Variants in RNF38 observed in about 807,000 individuals in gnomAD.
RNF38 encodes the protein ring finger protein 38, also known as E3 ubiquitin-protein ligase RNF38.
A neutral mutation model predicts 67.2 loss-of-function variants in RNF38; 15 were observed. The ratio of observed to expected loss-of-function variants is 0.22; its 90% CI spans 0.15 to 0.34. RNF38 has a LOEUF of 0.34. Ranked by LOEUF, RNF38 falls within the 10% of genes least tolerant of loss-of-function variation. The probability of loss-of-function intolerance (pLI) is 1.00; values close to 1 mark genes in which losing one functional copy is unlikely to be tolerated. For synonymous variants in RNF38, 220 were observed against 218.8 expected (o/e 1.01, Z -0.05); for missense variants, 524 against 639.9 (o/e 0.82, Z 1.95).
intron 2 of RNF38, among the ~76,000 whole-genome samples, chr9:36,407,775 A>G (rs1838217973): frequency 6.6e-6 from 1 of 152,170 alleles, no homozygotes; most frequent in African/African-American, 2.4e-5. Context: ...CTGGCACTAC[A>G]GTTTTTACCA....
chr9:36,462,576 C>T (rs1839758382), intron 1 of RNF38, among the ~76,000 whole-genome samples: 1 of 152,156 alleles, frequency 6.6e-6, no homozygotes, highest in Non-Finnish European at 1.5e-5. Flanking sequence ...CACACTTTTG[C>T]GTCAGGGCTT....
chr9:36,390,285 A>C (rs1836977681), intron 2 of RNF38, among the ~76,000 whole-genome samples, 182 bp downstream of exon 2: 1 of 152,272 alleles, frequency 6.6e-6, no homozygotes, highest in Non-Finnish European at 1.5e-5. Flanking sequence ...TAGCTCAAGA[A>C]GACAAACATT....
At chr9:36,435,871 C>T (rs1277681381) in intron 1 of RNF38, among the ~76,000 whole-genome samples, 4 of 152,094 alleles carry the variant, frequency 2.6e-5, no homozygotes, top group South Asian at 2.1e-4. Context: ...CCTCGTGATC[C>T]GCCCGCCTCA....
chr9:36,388,266 G>A (rs1480507145), intron 2 of RNF38, among the ~76,000 whole-genome samples: 1 of 151,944 alleles, frequency 6.6e-6, no homozygotes, highest in Non-Finnish European at 1.5e-5. Context: ...TTATATAGAT[G>A]TCTGCTTTAC....
chr9:36,341,267 A>G (rs530859938), intron 11 of RNF38, among the ~76,000 whole-genome samples: 10 of 152,264 alleles, frequency 6.6e-5, no homozygotes, highest in South Asian at 2.1e-4. Flanking sequence ...GGATTTACAC[A>G]TATAATGCTT....
At chr9:36,365,662 G>GTTTTTTTTTTT (rs759974775) in intron 4 of RNF38, among the ~76,000 whole-genome samples, 1 of 103,600 alleles carries the variant, frequency 9.7e-6, no homozygotes, top group African/African-American at 3.9e-5. Context: ...AAGACTGATA[G>GTTTTTTTTTTT]TTTTTTTTTT....
At chr9:36,366,601 A>ATGGTGT (rs1333889354) in intron 4 of RNF38, among the ~76,000 whole-genome samples, 3 of 152,336 alleles carry the variant, frequency 2.0e-5, no homozygotes, top group East Asian at 3.9e-4. Flanking sequence ...GCAAATATTG[A>ATGGTGT]TGGTGTTACC....
chr9:36,359,868 C>T (rs528686207), intron 4 of RNF38, among the ~76,000 whole-genome samples: 1 of 152,060 alleles, frequency 6.6e-6, no homozygotes, highest in Non-Finnish European at 1.5e-5. Flanking sequence ...ACCTTAGCCC[C>T]GCCCCGAGTA....
At chr9:36,389,275 ACT>A in intron 2 of RNF38, among the ~76,000 whole-genome samples, 1 of 151,270 alleles carries the variant, frequency 6.6e-6, no homozygotes, top group African/African-American at 2.4e-5. Context: ...TTTGGCAGCT[ACT>A]CTCTGAAATT....
chr9:36,471,497 A>G (rs1442780296), intron 1 of RNF38, among the ~76,000 whole-genome samples: 1 of 152,200 alleles, frequency 6.6e-6, no homozygotes, highest in Admixed American at 6.5e-5. Context: ...CCTTTTTTAA[A>G]CTTCTCCAAC....
At chr9:36,438,966 G>C (rs1415893162) in intron 1 of RNF38, among the ~76,000 whole-genome samples, 1 of 151,930 alleles carries the variant, frequency 6.6e-6, no homozygotes, top group Non-Finnish European at 1.5e-5. Flanking sequence ...TTTATATTAA[G>C]TGCTCTCTAC....
intron 2 of RNF38, among the ~76,000 whole-genome samples, chr9:36,382,954 T>G (rs1469946819): frequency 2.0e-5 from 3 of 152,168 alleles, no homozygotes; most frequent in African/African-American, 7.2e-5. Context: ...TCACTAAATT[T>G]TATTCATTTT....
intron 9 of RNF38, among the ~76,000 whole-genome samples, chr9:36,350,913 G>T (rs1833643899): frequency 6.6e-6 from 1 of 151,986 alleles, no homozygotes; most frequent in Non-Finnish European, 1.5e-5. Context: ...CACAAAATGA[G>T]ATGTATTTTT....
chr9:36,349,066 A>G (rs958046850), intron 9 of RNF38, among the ~76,000 whole-genome samples: 3 of 152,216 alleles, frequency 2.0e-5, no homozygotes, highest in Non-Finnish European at 2.9e-5. Flanking sequence ...ACACTGCCCA[A>G]TAATAAAGCC....
At chr9:36,457,508 G>A (rs945853961) in intron 1 of RNF38, among the ~76,000 whole-genome samples, 19 of 152,302 alleles carry the variant, frequency 1.2e-4, no homozygotes, top group Admixed American at 1.1e-3. Flanking sequence ...TACTTAAATA[G>A]TTAAAAAGCC....
At chr9:36,442,657 T>C (rs1040750875) in intron 1 of RNF38, among the ~76,000 whole-genome samples, 5 of 152,104 alleles carry the variant, frequency 3.3e-5, no homozygotes, top group African/African-American at 1.2e-4. Flanking sequence ...GCACGCCCTA[T>C]AGTCCCAGCT....
rs188010149 is a variant in RNF38, at chr9:36,429,804, A to T, written n.242-5121T>A. On this transcript the variant is annotated intron_variant and non_coding_transcript_variant, in intron 1 of 3. Transcript: ENST00000488058. ...GCAAGATTCCGTCTCAAGAAAAAAT[A>T]AATTAATTAATTAATTAACAAACAG... 9.9e-4 allele frequency among the ~76,000 whole-genome samples: 150 copies of T among 152,266 alleles called. 1 individual carries two copies. In the Middle Eastern group the frequency reaches 0.024, roughly 24 times the overall value.
At chr9:36,361,791 A>G (rs1475566040) in intron 4 of RNF38, among the ~76,000 whole-genome samples, 1 of 152,184 alleles carries the variant, frequency 6.6e-6, no homozygotes, top group Admixed American at 6.5e-5. Context: ...ACTTGATGCT[A>G]GATTCTTAAG....
At chr9:36,433,510 C>A (rs567574606) in intron 1 of RNF38, among the ~76,000 whole-genome samples, 1 of 151,644 alleles carries the variant, frequency 6.6e-6, no homozygotes, top group Non-Finnish European at 1.5e-5. Flanking sequence ...GAAGCCAAGA[C>A]GGGCAGATCA....
Sources: gnomAD v4.1 joint callset for allele counts (sites outside exome capture counted in the v4.1 genomes callset) on GRCh38, gnomAD v4.1.1 for gene constraint, MANE v1.5 for transcripts, NCBI Gene and HGNC (gene_info 2026-07-23, HGNC 2026-07-21) for gene names.